The following TAP2 variants were observed in gnomAD, a reference collection of about 807,000 sequenced individuals.
The protein encoded by TAP2 is antigen peptide transporter 2.
In TAP2, 49 loss-of-function variants were observed where a neutral mutation model predicts 74.7. The observed-to-expected ratio is 0.66, with a 90% CI of 0.52 to 0.83. TAP2 has a LOEUF of 0.83. Ranked by LOEUF, TAP2 falls within the 40% of genes least tolerant of loss-of-function variation. TAP2 has a pLI of 0.00. For synonymous variants in TAP2, 306 were observed against 368.4 expected (o/e 0.83, Z 1.94); for missense variants, 739 against 859.0 (o/e 0.86, Z 1.75).
chr6:32,828,676 C>G lies in TAP2; in HGVS notation c.*230G>C. ...AATTAAGTTTCCTGGACACAGACAGCCCCCACCCCACCCCACCCCACCTCT... is the reference window on the plus strand; with the variant it reads ...AATTAAGTTTCCTGGACACAGACAGGCCCCACCCCACCCCACCCCACCTCT... On this transcript the variant is annotated 3_prime_UTR_variant, in exon 12 of 12. Transcript: ENST00000374897. 30 of 802,524 alleles carry G rather than the reference C, an allele frequency of 3.7e-5. No homozygotes were observed. The highest frequency in any genetic ancestry group is 5.4e-5 in the South Asian group (1 of 18,496). 49.7% of individuals were successfully genotyped at this position (802,524 alleles called of 1,614,324 possible).
intron 10 of TAP2, 66 bp from the exon 11 acceptor site, chr6:32,829,602 A>T: frequency 6.2e-7 from 1 of 1,607,982 alleles, no homozygotes; most frequent in Non-Finnish European, 8.5e-7. Context: ...AAGGAGGGAC[A>T]AGTGCACAGC....
chr6:32,832,716 C>T lies in TAP2; in HGVS notation c.1054G>A (p.Val352Ile). The change falls in exon 6 of 12, where the codon GTC becomes ATC. Residue 352 changes from valine to isoleucine, a missense_variant. Physicochemically the swap from Val to Ile is conservative, Grantham distance 29. Transcript: ENST00000374897. This position sits in a 1 kb window ranked among gnomAD's most constrained non-coding sequence, Gnocchi z 5.9. The part of the protein sequence containing the change: ...VRSFGAEEHE[V>I]CRYKEALEQC... ...TCAAGGGCCTCTTTATAGCGACAGA[C>T]TTCATGCTCCTCGGCCCCAAAACTG... 6.2e-7 allele frequency: 1 copy of T among 1,613,122 alleles called. No individual in the cohort carries two copies. The highest frequency in any genetic ancestry group is 8.5e-7 in the Non-Finnish European group (1 of 1,180,048).
At chr6:32,822,224 G>A, downstream of TAP2, 1 of 1,282,420 alleles carries the variant, frequency 7.8e-7, no homozygotes, top group Admixed American at 2.1e-5. Context: ...ATAAATGTTG[G>A]TGATGCTTTG....
chr6:32,829,986 G>A lies in TAP2; in HGVS notation c.1739C>T (p.Ala580Val). ...SCEDDKVMAA[A>V]QAAHADDFIQ... ...GAAGTCATCTGCGTGGGCAGCCTGG[G>A]CAGCCGCCATCACCTTATCATCTTC... Residue 580 changes from alanine to valine, a missense_variant, in exon 10 of 12, where the codon GCC becomes GTC. Coordinates refer to ENST00000374897, the MANE Select transcript of TAP2 (RefSeq NM_001290043.2). 6.2e-7 allele frequency: 1 copy of A among 1,613,086 alleles called. No individual in the cohort carries two copies. The highest frequency in any genetic ancestry group is 8.5e-7 in the Non-Finnish European group (1 of 1,180,020).
In TAP2 at chr6:32,838,011, G is replaced by C. The variant is rs774898865; in HGVS notation, c.223C>G (p.Leu75Val). Residue 75 changes from leucine to valine, a missense_variant, in exon 2 of 12, where the codon CTG becomes GTG. By Grantham distance (32) the Leu-to-Val change is conservative (BLOSUM62 1). Coordinates refer to ENST00000374897, the MANE Select transcript of TAP2 (RefSeq NM_001290043.2). ...ACCAGGGCTCTCAGGGAGACAGTCA[G>C]GGGGGTGGCCAGACAGAGCGGGAGC... ...LLLPLCLATP[L>V]TVSLRALVAG... is the part of the protein sequence containing the mutation. 2 of 1,612,516 alleles carry C rather than the reference G, an allele frequency of 1.2e-6. No individual in the cohort carries two copies. The highest frequency in any genetic ancestry group is 2.2e-5 in the South Asian group (2 of 91,050).
At position 32,830,262 on chromosome 6, in the gene TAP2, C is replaced by G. The variant is rs1298312701; in HGVS notation, c.1635+5G>C. The G allele has an allele frequency of 6.2e-7, 1 of 1,613,134 alleles. No individual in the cohort carries two copies. The highest frequency in any genetic ancestry group is 1.1e-5 in the South Asian group (1 of 91,086). On this transcript the variant is annotated splice_donor_5th_base_variant and intron_variant, in intron 9 of 11. Transcript: ENST00000374897. ...CTGTCCCCTGTCTTCTCCCTCCTCA[C>G]CCACCTGGCTGTGCAGGTAGCAGTG...
In TAP2 at chr6:32,835,754, G is replaced by A. The variant is rs1372620501; in HGVS notation, c.628C>T (p.Arg210Ter). The A allele has an allele frequency of 2.4e-5, 38 of 1,613,092 alleles. No individual in the cohort carries two copies. Among genetic ancestry groups the A allele is most frequent in the Non-Finnish European group, 3.1e-5 (36 of 1,180,024 alleles). ...ATGGTGTAGGTGAAGCAGCCTCCTC[G>A]GCAGCCTGCAGACAGTGAGCTGTGG... The part of the protein sequence containing the change: ...SFGSSLSAGC[R>*]GGCFTYTMSR... The change falls in exon 4 of 12, where the codon CGA becomes TGA. Residue 210 changes from arginine to a stop codon, truncating the protein, a stop_gained. Coordinates refer to ENST00000374897, the MANE Select transcript of TAP2 (RefSeq NM_001290043.2). LOFTEE classifies it high-confidence loss of function. This position sits in a 1 kb window ranked among gnomAD's most constrained non-coding sequence, Gnocchi z 4.0.
downstream of TAP2, among the ~76,000 whole-genome samples, chr6:32,823,061 A>G (rs1225448308): frequency 6.6e-6 from 1 of 151,652 alleles, no homozygotes; most frequent in Non-Finnish European, 1.5e-5. Flanking sequence ...CTGGGATTAC[A>G]GGCGCCCACC....
At chr6:32,829,082 A>G (rs1259011917) in intron 11 of TAP2, 48 bp from the exon 12 acceptor site, 1 of 1,321,236 alleles carries the variant, frequency 7.6e-7, no homozygotes, top group Non-Finnish European at 1.0e-6. Flanking sequence ...TGAGATGGAC[A>G]CCACATCCAC....
intron 7 of TAP2, 73 bp from the exon 8 acceptor site, chr6:32,830,879 A>C: frequency 7.7e-7 from 1 of 1,293,384 alleles, no homozygotes; most frequent in South Asian, 1.3e-5. Flanking sequence ...AACTCCTCAC[A>C]CACTCCACTC....
At chr6:32,833,609 A>C (rs1042130208) in intron 5 of TAP2, among the ~76,000 whole-genome samples, 1 of 126,682 alleles carries the variant, frequency 7.9e-6, no homozygotes, top group Non-Finnish European at 1.8e-5. Flanking sequence ...TCACCATTAG[A>C]ATGGCTATTA....
In TAP2 at chr6:32,827,234, T is replaced by A. The variant is rs551935526; in HGVS notation, c.*1672A>T. The A allele has an allele frequency of 3.6e-4, 356 of 985,382 alleles. 2 individuals are homozygous for A. The African/African-American group carries it at 6.0e-3, about 17-fold the overall frequency. The allele number at this position is 985,382 out of a possible 1,614,324, so 61.0% of individuals were successfully genotyped here. A position where few individuals can be genotyped will look rare whatever the true frequency, so the allele number is the denominator to read the frequency against. ...TAGAATAGCAACTTTCCAAGGTAAG[T>A]CCCTCCCAACAACCAGTGATGTGTA... is the stretch of plus-strand genomic sequence containing the variant. On this transcript the variant is annotated 3_prime_UTR_variant, in exon 12 of 12. Coordinates refer to ENST00000374897, the MANE Select transcript of TAP2 (RefSeq NM_001290043.2).
chr6:32,832,332 C>T lies in TAP2; in HGVS notation c.1272+1G>A, dbSNP rs1222208628. 2 of 1,612,912 alleles carry T rather than the reference C, an allele frequency of 1.2e-6. No homozygotes were observed. Among genetic ancestry groups the T allele is most frequent in the Non-Finnish European group, 1.7e-6 (2 of 1,180,036 alleles). On this transcript the variant is annotated splice_donor_variant, in intron 7 of 11. Transcript: ENST00000374897. LOFTEE classifies it high-confidence loss of function. The surrounding 1 kb of genome is among the most constrained non-coding windows in gnomAD (Gnocchi z 5.9). ...GAGAGCAGGCTTGGCTTCTCGCTCA[C>T]CTGCACATAGCTCCCCACGCTCTCC... is the stretch of plus-strand genomic sequence containing the variant.
At chr6:32,838,561 TG>T in intron 1 of TAP2, 91 bp downstream of exon 1, 1 of 314,810 alleles carries the variant, frequency 3.2e-6, no homozygotes, top group Non-Finnish European at 5.8e-6. Context: ...TATCGCCGGG[TG>T]CAGAGGGACT....
rs1768735944 is a variant in TAP2 at position 32,827,518 on chromosome 6, A to G, written c.*1388T>C. The G allele has an allele frequency of 3.2e-6, 1 of 312,252 alleles. No homozygotes were observed. The highest frequency in any genetic ancestry group is 4.6e-6 in the Non-Finnish European group (1 of 215,266). The allele number at this position is 312,252 out of a possible 1,614,324, so 19.3% of individuals were successfully genotyped here. ...GAAAGAGGTAACCGCACAGTGATAG[A>G]AGCACATGGAGAGTTCCCCAGACTG... On this transcript the variant is annotated 3_prime_UTR_variant, in exon 12 of 12. Transcript: ENST00000374897.
At chr6:32,838,306 G>A in intron 1 of TAP2, 69 bp from the exon 2 acceptor site, 2 of 1,483,712 alleles carry the variant, frequency 1.3e-6, no homozygotes, top group African/African-American at 1.4e-5. Context: ...CCTCCTACCC[G>A]CCCGGCTCCG....
In TAP2 at chr6:32,830,241, C is replaced by T. The variant is rs571411114; in HGVS notation, c.1635+26G>A. ...CTCTGTACATGCTCCCCTCTCCTGT[C>T]CCCTGTCTTCTCCCTCCTCACCCAC... On this transcript the variant is annotated intron_variant, in intron 9 of 11. Coordinates refer to ENST00000374897, the MANE Select transcript of TAP2 (RefSeq NM_001290043.2). The T allele has an allele frequency of 3.7e-6, 6 of 1,612,630 alleles. No individual in the cohort carries two copies. The Admixed American group carries it at 6.7e-5, about 18-fold the overall frequency.
rs369632751 is a variant in TAP2, at chr6:32,829,409, G to C, written c.1923C>G (p.Cys641Trp). ...DEATSALDVQ[C>W]EQALQDWNSR... ...CTCTCACGGTACTCACGGCCTGCTC[G>C]CACTGCACATCTAGGGCACTAGTAG... Residue 641 changes from cysteine to tryptophan, a missense_variant, in exon 11 of 12, where the codon TGC becomes TGG. Physicochemically the swap from Cys to Trp is radical, Grantham distance 215 (BLOSUM62 -2). Coordinates refer to ENST00000374897, the MANE Select transcript of TAP2 (RefSeq NM_001290043.2). The C allele has an allele frequency of 6.9e-6, 11 of 1,601,334 alleles. No individual in the cohort carries two copies. In the East Asian group the frequency reaches 1.8e-4, roughly 26 times the overall value.
rs241447 is a variant in TAP2 at position 32,828,974 on chromosome 6, T to C, written c.1993A>G (p.Thr665Ala). The change falls in exon 12 of 12, where the codon ACA becomes GCA. Residue 665 changes from threonine to alanine, a missense_variant. Transcript: ENST00000374897. ...TVLVIAHRLQ[T>A]VQRAHQILVL... ...AGGATCTGGTGGGCGCGCTGAACTG[T>C]CTGCAGCCTGTGAGCAATCACCAGC... 416,831 of 1,549,446 alleles carry C rather than the reference T, an allele frequency of 0.27. 58,603 individuals are homozygous for C. The highest frequency in any genetic ancestry group is 0.39 in the South Asian group (32,925 of 83,788).
Sources: allele counts gnomAD v4.1 joint callset (sites outside exome capture counted in the v4.1 genomes callset), GRCh38; gene constraint gnomAD v4.1.1; non-coding constraint Gnocchi (gnomAD v3.1); transcripts MANE v1.5; gene names NCBI Gene and HGNC (gene_info 2026-07-23, HGNC 2026-07-21).